The following DENND3 variants were observed in gnomAD, a reference collection of about 807,000 sequenced individuals.
DENND3 encodes the protein DENN domain containing 3.
In DENND3, 88 loss-of-function variants were observed where a neutral mutation model predicts 135.1. The ratio of observed to expected loss-of-function variants is 0.65; its 90% CI spans 0.55 to 0.78. The LOEUF is 0.78. Among genes scored for constraint, DENND3 ranks in the 30% least tolerant of loss-of-function variants. The pLI is 0.00. For missense variants in DENND3, 1,392 were observed against 1,688.4 expected, an observed-to-expected ratio of 0.82 and a Z score of 3.08; for synonymous variants, 693 against 712.3, an observed-to-expected ratio of 0.97 and a Z score of 0.43.
Position 141,172,574 on chromosome 8 carries a change from A to C in DENND3, c.2276-2626A>C, listed in dbSNP as rs1284973216. On this transcript the variant is annotated intron_variant, in intron 13 of 22. Transcript: ENST00000519811. ...AAGAAGATTTGCCCTGAGCGGCGCA[A>C]GGGGCAGGACCCATGGCTGGGGCTC... 3.3e-5 allele frequency among the ~76,000 whole-genome samples: 5 copies of C among 152,190 alleles called. No homozygotes were observed. In the East Asian group the frequency reaches 9.6e-4, roughly 29 times the overall value.
At chr8:141,142,210 G>A in intron 4 of DENND3, 1 of 358,494 alleles carries the variant, frequency 2.8e-6, no homozygotes, top group Non-Finnish European at 5.5e-6. Context: ...GTTCAGACAT[G>A]GTCAGTCCCA....
rs1043012351 is a variant in DENND3 at position 141,130,584 on chromosome 8, C to T, written c.102+1775C>T. Among the ~76,000 whole-genome samples the T allele has an allele frequency of 6.6e-6, 1 of 151,952 alleles. No individual in the cohort carries two copies. Among genetic ancestry groups the T allele is most frequent in the Non-Finnish European group, 1.5e-5 (1 of 67,998 alleles). On this transcript the variant is annotated intron_variant, in intron 1 of 22. Coordinates refer to ENST00000519811, the MANE Select transcript of DENND3 (RefSeq NM_001352890.3). This position sits in a 1 kb window ranked among gnomAD's most constrained non-coding sequence, Gnocchi z 4.2. ...ATGGATTCCATTTCTTGGAGCCATC[C>T]TACTTTTAAGGTCAATATTAATGTT...
chr8:141,192,848 T>A, intron 22 of DENND3, 185 bp downstream of exon 22: 1 of 1,539,344 alleles, frequency 6.5e-7, no homozygotes, highest in Middle Eastern at 1.7e-4. Flanking sequence ...CATGTGCTGG[T>A]TTCATGGTGT....
At chr8:141,162,374 C>T (rs1820239366) in intron 9 of DENND3, among the ~76,000 whole-genome samples, 1 of 151,990 alleles carries the variant, frequency 6.6e-6, no homozygotes, top group African/African-American at 2.4e-5. Flanking sequence ...GTGGGAGGAT[C>T]CCTTGAGCCT....
chr8:141,153,187 G>A (rs1202620144), intron 7 of DENND3, among the ~76,000 whole-genome samples: 1 of 149,390 alleles, frequency 6.7e-6, no homozygotes, highest in Non-Finnish European at 1.5e-5. Context: ...AATGCCTCCC[G>A]GGTTCAAGCG....
chr8:141,168,122 C>A lies in DENND3; in HGVS notation c.1872C>A (p.Ala624=), dbSNP rs1310480396. ...ACTTTGTCTCCATGCTGAGCGAGGC[C>A]ATGTGCTTTCTGGCCCCCGATAACT... ...HAHFVSMLSE[A]MCFLAPDNSL... Residue 624 remains alanine, a synonymous_variant, in exon 13 of 23, where the codon GCC becomes GCA. Coordinates refer to ENST00000519811, the MANE Select transcript of DENND3 (RefSeq NM_001352890.3). The surrounding 1 kb of genome is among the most constrained non-coding windows in gnomAD (Gnocchi z 6.2). 1.2e-6 allele frequency: 2 copies of A among 1,614,210 alleles called. No homozygotes were observed. Among genetic ancestry groups the A allele is most frequent in the Non-Finnish European group, 1.7e-6 (2 of 1,180,042 alleles).
At chr8:141,131,176 A>G (rs1020182824) in intron 1 of DENND3, among the ~76,000 whole-genome samples, 1 of 151,972 alleles carries the variant, frequency 6.6e-6, no homozygotes, top group East Asian at 1.9e-4. Flanking sequence ...AGGAATGGTG[A>G]CCGAGACTTT....
At position 141,192,727 on chromosome 8, in the gene DENND3, C is replaced by T. The variant is rs1824930303; in HGVS notation, c.3636+64C>T. ...GGTCTCGCTTGCCCTGGCCGCATCC[C>T]CATGCTCCCGAGAGCCAGCCGCACG... On this transcript the variant is annotated intron_variant, in intron 22 of 22. Coordinates refer to ENST00000519811, the MANE Select transcript of DENND3 (RefSeq NM_001352890.3). 3.1e-6 allele frequency: 5 copies of T among 1,609,012 alleles called. No homozygotes were observed. In the East Asian group the frequency reaches 1.1e-4, roughly 36 times the overall value.
intron 4 of DENND3, among the ~76,000 whole-genome samples, chr8:141,143,247 G>A (rs1817671144): frequency 6.6e-6 from 1 of 152,196 alleles, no homozygotes; most frequent in Admixed American, 6.5e-5. Flanking sequence ...TGTGTTTTGG[G>A]AATCAGAGTA....
At chr8:141,189,771 A>G (rs1325712362) in intron 19 of DENND3, among the ~76,000 whole-genome samples, 2 of 152,256 alleles carry the variant, frequency 1.3e-5, no homozygotes, top group South Asian at 2.1e-4. Flanking sequence ...CTAGTCTGGA[A>G]GCAAAGCTGG....
At chr8:141,142,908 G>A (rs927229966) in intron 4 of DENND3, 5 of 156,534 alleles carry the variant, frequency 3.2e-5, no homozygotes, top group African/African-American at 1.2e-4. Context: ...CCTCCTGGTC[G>A]ATGTTATGTG....
chr8:141,169,326 C>T (rs73713346), intron 13 of DENND3, among the ~76,000 whole-genome samples: 5,217 of 152,302 alleles, frequency 0.034, 169 homozygotes, highest in African/African-American at 0.086. Flanking sequence ...ATGTGCCTGT[C>T]CTGAGATCTT....
Position 141,166,052 on chromosome 8 carries a change from G to GTTC in DENND3, c.1554-135_1554-133dup. 1.1e-6 allele frequency: 1 copy of GTTC among 896,134 alleles called. No individual in the cohort carries two copies. Among genetic ancestry groups the GTTC allele is most frequent in the Non-Finnish European group, 1.8e-6 (1 of 566,126 alleles). 55.5% of individuals were successfully genotyped at this position (896,134 alleles called of 1,614,324 possible). On this transcript the variant is annotated intron_variant, in intron 11 of 22. Transcript: ENST00000519811. The surrounding 1 kb of genome is among the most constrained non-coding windows in gnomAD (Gnocchi z 4.3). The stretch of plus-strand genomic sequence containing the variant: ...GCACTTGGTGAGATTTGGGCAACAT[G>GTTC]TTCTTACCAGTCTGTTTTCCACTGG...
chr8:141,157,447 T>C, intron 8 of DENND3: 2 of 985,518 alleles, frequency 2.0e-6, no homozygotes, highest in Non-Finnish European at 2.4e-6. Flanking sequence ...CCTCACAACC[T>C]GTGGGTCCAA....
At chr8:141,135,173 A>G in intron 1 of DENND3, among the ~76,000 whole-genome samples, 2 of 128,140 alleles carry the variant, frequency 1.6e-5, no homozygotes, top group East Asian at 2.2e-4. Flanking sequence ...TTTTTTTGAG[A>G]CCAGGTCTTG....
rs1313212357 is a variant in DENND3, at chr8:141,141,167, G to T, written c.502-36G>T. On this transcript the variant is annotated intron_variant, in intron 3 of 22. Transcript: ENST00000519811. This position sits in a 1 kb window ranked among gnomAD's most constrained non-coding sequence, Gnocchi z 5.3. ...AAACAGATACTGGAATTGCCAAGGTGGGGAGGTGACCATGTCGCTGTTGCT... is the reference window on the plus strand; with the variant it reads ...AAACAGATACTGGAATTGCCAAGGTTGGGAGGTGACCATGTCGCTGTTGCT... 6.2e-7 allele frequency: 1 copy of T among 1,613,940 alleles called. No individual in the cohort carries two copies. The highest frequency in any genetic ancestry group is 1.3e-5 in the African/African-American group (1 of 75,056).
At chr8:141,142,369 C>T (rs963830699) in intron 4 of DENND3, 19 of 456,762 alleles carry the variant, frequency 4.2e-5, no homozygotes, top group Non-Finnish European at 6.2e-5. Flanking sequence ...CACGGCAAAT[C>T]GCTGAATTGG....
intron 9 of DENND3, among the ~76,000 whole-genome samples, chr8:141,162,192 T>C (rs1293426628): frequency 6.6e-6 from 1 of 152,272 alleles, no homozygotes; most frequent in Admixed American, 6.5e-5. Context: ...AGACATGTGA[T>C]ATTATCTCTG....
At position 141,168,276 on chromosome 8, in the gene DENND3, G is replaced by A. The variant is rs759377330; in HGVS notation, c.2026G>A (p.Val676Met). ...TDIRIFPTDL[V>M]KRTVESMSAP... ...CATACGGATCTTTCCCACTGATTTGGTGAAGAGGACGGTGGAATCCATGTC... is the reference window on the plus strand; with the variant it reads ...CATACGGATCTTTCCCACTGATTTGATGAAGAGGACGGTGGAATCCATGTC... Residue 676 changes from valine (V) to methionine (M), a missense_variant, in exon 13 of 23, where the codon GTG becomes ATG. Coordinates refer to ENST00000519811, the MANE Select transcript of DENND3 (RefSeq NM_001352890.3). The surrounding 1 kb of genome is among the most constrained non-coding windows in gnomAD (Gnocchi z 6.2). 2.5e-6 allele frequency: 4 copies of A among 1,614,134 alleles called. No homozygotes were observed. The South Asian group carries it at 4.4e-5, about 18-fold the overall frequency.
Sources: allele counts gnomAD v4.1 joint callset (sites outside exome capture counted in the v4.1 genomes callset), GRCh38; gene constraint gnomAD v4.1.1; non-coding constraint Gnocchi (gnomAD v3.1); transcripts MANE v1.5; gene names NCBI Gene and HGNC (gene_info 2026-07-23, HGNC 2026-07-21).